The following LINGO2 variants were observed in gnomAD, a reference collection of about 807,000 sequenced individuals.
LINGO2 encodes the protein leucine-rich repeat and immunoglobulin-like domain-containing nogo receptor-interacting protein 2.
Under a neutral mutation model 30.6 loss-of-function variants are expected in LINGO2, and 14 were observed. That is an observed-to-expected ratio of 0.46 (90% CI 0.30 to 0.72). The LOEUF is 0.72. Ranked by LOEUF, LINGO2 falls within the 30% of genes least tolerant of loss-of-function variation. LINGO2 has a pLI of 0.07. For missense variants in LINGO2, 729 were observed against 751.7 expected, an observed-to-expected ratio of 0.97 and a Z score of 0.35; for synonymous variants, 317 against 288.5, an observed-to-expected ratio of 1.10 and a Z score of -1.00.
intron 4 of LINGO2, among the ~76,000 whole-genome samples, chr9:28,214,558 G>C (rs748460005): frequency 3.3e-5 from 5 of 151,548 alleles, no homozygotes; most frequent in South Asian, 2.1e-4. Flanking sequence ...TGGTACTATA[G>C]GTCCATCTGG....
chr9:28,303,261 C>T (rs1370466198), intron 3 of LINGO2, among the ~76,000 whole-genome samples: 2 of 152,068 alleles, frequency 1.3e-5, no homozygotes, highest in African/African-American at 4.8e-5. Flanking sequence ...CCAACATGCT[C>T]CTCTTTCTAC....
intron 4 of LINGO2, among the ~76,000 whole-genome samples, chr9:28,166,618 G>A (rs771122456): frequency 3.3e-5 from 5 of 151,996 alleles, no homozygotes; most frequent in Non-Finnish European, 7.4e-5. Context: ...TTAATTTAAA[G>A]AAGAGAAGAA....
the LINGO2 span, among the ~76,000 whole-genome samples, chr9:28,746,562 C>T: frequency 8.6e-5 from 13 of 151,906 alleles, no homozygotes; most frequent in Non-Finnish European, 1.6e-4. Context: ...CTCAGCTTTT[C>T]CAGGTGTTAT....
At chr9:29,172,744 T>G in the LINGO2 span, among the ~76,000 whole-genome samples, 16 of 151,426 alleles carry the variant, frequency 1.1e-4, no homozygotes, top group African/African-American at 3.9e-4. Flanking sequence ...AAATCTTTAT[T>G]AAAAACAATC....
At chr9:28,167,954 G>C (rs965049669) in intron 4 of LINGO2, among the ~76,000 whole-genome samples, 1 of 152,188 alleles carries the variant, frequency 6.6e-6, no homozygotes, top group Non-Finnish European at 1.5e-5. Context: ...TTGCCAGCCA[G>C]TATCTCCTCA....
intron 5 of LINGO2, among the ~76,000 whole-genome samples, chr9:27,984,005 AAAG>A (rs1392881779): frequency 1.3e-5 from 2 of 151,878 alleles, no homozygotes; most frequent in African/African-American, 4.8e-5. Flanking sequence ...TAGAGGACGA[AAAG>A]AAGAAAGAGA....
chr9:28,972,452 T>C, the LINGO2 span, among the ~76,000 whole-genome samples: 2 of 152,098 alleles, frequency 1.3e-5, no homozygotes, highest in Admixed American at 6.6e-5. Context: ...ATTTAACAAA[T>C]AGATTGAAAT....
At chr9:28,297,483 TG>T (rs912081366) in intron 3 of LINGO2, among the ~76,000 whole-genome samples, 14 of 152,200 alleles carry the variant, frequency 9.2e-5, no homozygotes, top group African/African-American at 3.4e-4. Flanking sequence ...AGATTATCAC[TG>T]ATTCTATTCT....
the LINGO2 span, among the ~76,000 whole-genome samples, chr9:28,994,235 T>C: frequency 3.8e-3 from 582 of 152,086 alleles, 4 homozygotes; most frequent in African/African-American, 0.013. Flanking sequence ...CAGACAAACA[T>C]AGAGCCAAAT....
the LINGO2 span, among the ~76,000 whole-genome samples, chr9:28,960,624 A>G: frequency 3.2e-5 from 1 of 31,466 alleles, no homozygotes; most frequent in Non-Finnish European, 1.1e-4. Flanking sequence ...TATAATTGTC[A>G]CTTTAAAGTA....
chr9:27,943,205 A>G (rs950402281), downstream of LINGO2: 4 of 152,226 alleles, frequency 2.6e-5, no homozygotes, highest in Admixed American at 2.6e-4. Context: ...TAAAGTTAAC[A>G]TGGCAACCAA....
chr9:28,749,287 C>A, the LINGO2 span, among the ~76,000 whole-genome samples: 4 of 152,004 alleles, frequency 2.6e-5, no homozygotes, highest in Non-Finnish European at 5.9e-5. Context: ...CATTGAGAGC[C>A]TTTTACATTG....
chr9:28,506,221 CA>C (rs1165115929), intron 1 of LINGO2, among the ~76,000 whole-genome samples: 1 of 151,164 alleles, frequency 6.6e-6, no homozygotes, highest in Non-Finnish European at 1.5e-5. Flanking sequence ...ACTTAAATAA[CA>C]AAGGTACTTT....
In LINGO2 at chr9:28,407,608, G is replaced by A. The variant is rs73435251; in HGVS notation, c.-278-34740C>T. On this transcript the variant is annotated intron_variant, in intron 2 of 5. Transcript: ENST00000379992. ...GCCAACACTTGCAAATTTTCCTAAG[G>A]GTTTCTGCTAATTTGCAGCACATAG... 1.4e-3 allele frequency among the ~76,000 whole-genome samples: 210 copies of A among 152,192 alleles called. 2 individuals carry two copies. The highest frequency in any genetic ancestry group is 4.7e-3 in the African/African-American group (197 of 41,532).
chr9:28,848,385 GTGTGTGTGTGTGTATATATA>G, the LINGO2 span, among the ~76,000 whole-genome samples: 2 of 54,400 alleles, frequency 3.7e-5, no homozygotes, highest in South Asian at 8.0e-4. Flanking sequence ...GTGTGTGTGT[GTGTGTGTGTGTGTATATATA>G]TATATATATA....
intron 4 of LINGO2, among the ~76,000 whole-genome samples, chr9:28,151,807 T>G (rs192049168): frequency 6.6e-6 from 1 of 152,102 alleles, no homozygotes; most frequent in African/African-American, 2.4e-5. Flanking sequence ...GAGACTAAAT[T>G]TAATAAGAAC....
chr9:28,861,423 C>A, the LINGO2 span, among the ~76,000 whole-genome samples: 1 of 144,060 alleles, frequency 6.9e-6, no homozygotes, highest in Admixed American at 7.5e-5. Context: ...AGATAACATT[C>A]ATTTAAACAT....
the LINGO2 span, among the ~76,000 whole-genome samples, chr9:28,686,554 T>G: frequency 3.0e-4 from 46 of 152,072 alleles, no homozygotes; most frequent in Non-Finnish European, 6.3e-4. Flanking sequence ...ATCTTGGAAC[T>G]GTTTTCAAAC....
the LINGO2 span, among the ~76,000 whole-genome samples, chr9:28,933,097 G>C: frequency 6.6e-6 from 1 of 151,968 alleles, no homozygotes; most frequent in African/African-American, 2.4e-5. Flanking sequence ...AGTATTGACA[G>C]GGTTTTGCCA....
Sources: gnomAD v4.1 joint callset for allele counts (sites outside exome capture counted in the v4.1 genomes callset) on GRCh38, gnomAD v4.1.1 for gene constraint, MANE v1.5 for transcripts, NCBI Gene and HGNC (gene_info 2026-07-23, HGNC 2026-07-21) for gene names.